SYT16: variants seen among roughly 807,000 people sequenced by gnomAD.
SYT16 encodes synaptotagmin 16, also known as synaptotagmin-16.
Under a neutral mutation model 61.4 loss-of-function variants are expected in SYT16, and 42 were observed. That is an observed-to-expected ratio of 0.68 (90% CI 0.53 to 0.89). The LOEUF (loss-of-function observed/expected upper bound fraction) is 0.89. Ranked by LOEUF, SYT16 falls within the 40% of genes least tolerant of loss-of-function variation. The pLI, the probability that SYT16 is intolerant of heterozygous loss-of-function variation, is 0.00. For missense variants in SYT16, 804 were observed against 807.3 expected, an observed-to-expected ratio of 1.00 and a Z score of 0.05; for synonymous variants, 314 against 302.3, an observed-to-expected ratio of 1.04 and a Z score of -0.40.
chr14:61,816,743 G>A (rs1036743306), intron 1 of SYT16, among the ~76,000 whole-genome samples: 10 of 152,138 alleles, frequency 6.6e-5, no homozygotes, highest in Non-Finnish European at 1.5e-4. Context: ...CGGGCGCGGT[G>A]GCTCACGCCT....
intron 1 of SYT16, among the ~76,000 whole-genome samples, chr14:61,904,926 T>G (rs2048648287): frequency 6.6e-6 from 1 of 152,192 alleles, no homozygotes; most frequent in Non-Finnish European, 1.5e-5. Context: ...GGGAGATCAT[T>G]AAGATTCACT....
Position 61,885,379 on chromosome 14 carries a change from TATGATG to T in SYT16, c.-325+72596_-325+72601del, listed in dbSNP as rs61541645. Among the ~76,000 whole-genome samples, 192 of 150,928 alleles carry T rather than the reference TATGATG, an allele frequency of 1.3e-3. 1 individual carries two copies. The highest frequency in any genetic ancestry group is 4.4e-3 in the South Asian group (21 of 4,786). On this transcript the variant is annotated intron_variant, in intron 1 of 7. Coordinates refer to ENST00000683842, the MANE Select transcript of SYT16 (RefSeq NM_001367656.1). Reference sequence around the variant, plus strand: ...TTATTTATGTAAAGTGCATGGCAGATATGATGATGATGATGATGATGATGATGATGA... The same window carrying T: ...TTATTTATGTAAAGTGCATGGCAGATATGATGATGATGATGATGATGATGA...
intron 1 of SYT16, among the ~76,000 whole-genome samples, chr14:61,950,435 C>G (rs2050624032): frequency 6.6e-6 from 1 of 152,192 alleles, no homozygotes; most frequent in African/African-American, 2.4e-5. Context: ...CCCATGTAAT[C>G]TTCCCTTGAT....
intron 1 of SYT16, among the ~76,000 whole-genome samples, chr14:61,826,603 C>G (rs765399285): frequency 6.6e-6 from 1 of 151,934 alleles, no homozygotes; most frequent in Non-Finnish European, 1.5e-5. Context: ...CCTGAATACT[C>G]CATTTTTGGT....
At chr14:62,082,634 G>C (rs1281218568) in intron 6 of SYT16, among the ~76,000 whole-genome samples, 1 of 152,174 alleles carries the variant, frequency 6.6e-6, no homozygotes, top group Non-Finnish European at 1.5e-5. Flanking sequence ...TGATGTCTCA[G>C]CTCTGCTCAG....
intron 1 of SYT16, among the ~76,000 whole-genome samples, chr14:61,817,492 C>T (rs979214187): frequency 1.3e-5 from 2 of 150,982 alleles, no homozygotes; most frequent in African/African-American, 4.9e-5. Context: ...CCGGGAAGGA[C>T]ACAATGCCAC....
At chr14:61,928,800 G>A (rs1366090081) in intron 1 of SYT16, among the ~76,000 whole-genome samples, 1 of 152,120 alleles carries the variant, frequency 6.6e-6, no homozygotes. Flanking sequence ...TGAGGCTAGG[G>A]CATAACACAC....
chr14:62,076,336 G>A (rs1358102787), intron 5 of SYT16, among the ~76,000 whole-genome samples: 1 of 152,106 alleles, frequency 6.6e-6, no homozygotes, highest in African/African-American at 2.4e-5. Flanking sequence ...CAGGGATGGG[G>A]GAAGAAGGAG....
Position 62,109,192 on chromosome 14 carries a change from C to G in SYT16, c.*8485C>G, listed in dbSNP as rs1265001830. On this transcript the variant is annotated 3_prime_UTR_variant, in exon 8 of 8. Coordinates refer to ENST00000683842, the MANE Select transcript of SYT16 (RefSeq NM_001367656.1). ...CTGTGCTCTGCCTATTCATTCCTCC[C>G]TCCCACCTAAGCCCTGGCATCCACT... 2 of 152,186 alleles carry G rather than the reference C, an allele frequency of 1.3e-5. No individual in the cohort carries two copies. Among genetic ancestry groups the G allele is most frequent in the African/African-American group, 4.8e-5 (2 of 41,442 alleles). 9.4% of individuals were successfully genotyped at this position (152,186 alleles called of 1,614,324 possible). A position where few individuals can be genotyped will look rare whatever the true frequency, so the allele number is the denominator to read the frequency against.
intron 1 of SYT16, among the ~76,000 whole-genome samples, chr14:61,850,998 TC>T (rs1398708958): frequency 6.6e-6 from 1 of 152,142 alleles, no homozygotes; most frequent in Admixed American, 6.5e-5. Context: ...GCACAAATCA[TC>T]CCATCACCTA....
intron 2 of SYT16, among the ~76,000 whole-genome samples, chr14:61,987,819 C>G (rs1595089122): frequency 6.6e-6 from 1 of 150,522 alleles, no homozygotes; most frequent in African/African-American, 2.4e-5. Flanking sequence ...TTAACAAACA[C>G]TGAATGATTG....
intron 3 of SYT16, among the ~76,000 whole-genome samples, chr14:62,054,480 C>T (rs1181907916): frequency 6.6e-6 from 1 of 151,774 alleles, no homozygotes; most frequent in Non-Finnish European, 1.5e-5. Flanking sequence ...CCCACCTCAG[C>T]CTGACTAGTA....
chr14:61,895,857 G>A (rs1418342034), intron 1 of SYT16, among the ~76,000 whole-genome samples: 3 of 152,110 alleles, frequency 2.0e-5, no homozygotes, highest in Non-Finnish European at 4.4e-5. Context: ...GCATTTTTAG[G>A]TAAATATTAG....
intron 1 of SYT16, among the ~76,000 whole-genome samples, chr14:61,815,619 T>A (rs2045404072): frequency 6.6e-6 from 1 of 152,222 alleles, no homozygotes; most frequent in Non-Finnish European, 1.5e-5. Flanking sequence ...AATGTTCTTA[T>A]ATCTAGATAG....
chr14:62,000,031 G>C (rs1209472795), intron 3 of SYT16, among the ~76,000 whole-genome samples: 1 of 141,274 alleles, frequency 7.1e-6, no homozygotes, highest in Non-Finnish European at 1.5e-5. Context: ...ACTGGAGAGA[G>C]TATTCTATAA....
upstream of SYT16, chr14:61,812,662 G>T (rs1301488116): frequency 6.8e-6 from 1 of 146,424 alleles, no homozygotes; most frequent in African/African-American, 2.5e-5. Context: ...GCGGCGCGGC[G>T]GGGGCGCGCG....
chr14:62,053,363 C>T (rs1427239815), intron 3 of SYT16, among the ~76,000 whole-genome samples: 1 of 152,182 alleles, frequency 6.6e-6, no homozygotes, highest in Non-Finnish European at 1.5e-5. Context: ...TGGACTCTGA[C>T]CGGAACTTAC....
chr14:61,947,644 A>G (rs2050499527), intron 1 of SYT16, among the ~76,000 whole-genome samples: 1 of 152,170 alleles, frequency 6.6e-6, no homozygotes, highest in South Asian at 2.1e-4. Context: ...TTGTTCAATT[A>G]AAGTAACATG....
intron 3 of SYT16, among the ~76,000 whole-genome samples, chr14:62,014,180 C>T (rs8012132): frequency 0.27 from 40,791 of 151,704 alleles, 6,170 homozygotes; most frequent in East Asian, 0.58. Flanking sequence ...TCTTTCGAAC[C>T]GTGGGTTCAC....
Sources: gnomAD v4.1 joint callset for allele counts (sites outside exome capture counted in the v4.1 genomes callset) on GRCh38, gnomAD v4.1.1 for gene constraint, MANE v1.5 for transcripts, NCBI Gene and HGNC (gene_info 2026-07-23, HGNC 2026-07-21) for gene names.